LRP6: variants seen among roughly 807,000 people sequenced by gnomAD.
LRP6 encodes LDL receptor related protein 6.
Under a neutral mutation model 184.1 loss-of-function variants are expected in LRP6, and 43 were observed. The ratio of observed to expected loss-of-function variants is 0.23; its 90% CI spans 0.18 to 0.30. The LOEUF (loss-of-function observed/expected upper bound fraction) is 0.30. Among genes scored for constraint, LRP6 ranks in the 10% least tolerant of loss-of-function variants. The probability of loss-of-function intolerance (pLI) is 1.00; values close to 1 mark genes in which losing one functional copy is unlikely to be tolerated. For missense variants in LRP6, 1,571 were observed against 2,005.3 expected (o/e 0.78, Z 4.14); for synonymous variants, 719 against 684.9 (o/e 1.05, Z -0.78).
In LRP6 at chr12:12,183,231, C is replaced by A. The variant is rs150187151; in HGVS notation, c.976+749G>T. Among the ~76,000 whole-genome samples the A allele has an allele frequency of 5.9e-3, 891 of 152,268 alleles. 6 individuals are homozygous for A. Among genetic ancestry groups the A allele is most frequent in the African/African-American group, 0.02 (845 of 41,556 alleles). On this transcript the variant is annotated intron_variant, in intron 5 of 22. Coordinates refer to ENST00000261349, the MANE Select transcript of LRP6 (RefSeq NM_002336.3). ...GCTTTTCAGAGTTAGATAAAGAAGC[C>A]ACAGCTAAATACAACAATTTTCTTA...
chr12:12,241,291 G>A (rs750985317), intron 2 of LRP6, among the ~76,000 whole-genome samples: 1 of 151,982 alleles, frequency 6.6e-6, no homozygotes, highest in Non-Finnish European at 1.5e-5. Context: ...CTCAAACTTC[G>A]TATTTCCCCC....
chr12:12,263,348 G>A (rs1419470360), intron 1 of LRP6, among the ~76,000 whole-genome samples: 2 of 151,820 alleles, frequency 1.3e-5, no homozygotes, highest in Non-Finnish European at 2.9e-5. Flanking sequence ...GGCCGAGGTG[G>A]GCGGATCACG....
chr12:12,164,955 AGG>A, intron 8 of LRP6, 122 bp downstream of exon 8: 2 of 528,570 alleles, frequency 3.8e-6, no homozygotes, highest in East Asian at 3.8e-5. Context: ...AAAAAAAAAA[AGG>A]CGGGGGGGCA....
intron 15 of LRP6, among the ~76,000 whole-genome samples, chr12:12,145,239 C>T (rs746632454): frequency 1.1e-4 from 17 of 151,164 alleles, no homozygotes; most frequent in Middle Eastern, 3.4e-3. Context: ...CTATACCAGG[C>T]GTGTAACTAT....
At chr12:12,254,192 C>T (rs758051494) in intron 1 of LRP6, among the ~76,000 whole-genome samples, 9 of 149,044 alleles carry the variant, frequency 6.0e-5, no homozygotes, top group Non-Finnish European at 1.2e-4. Context: ...AAAACTACTA[C>T]GCCAGGTAAC....
In LRP6 at chr12:12,249,142, T is replaced by C. The variant is rs769019492; in HGVS notation, c.56-4487A>G. The C allele has an allele frequency of 4.2e-6, 3 of 708,620 alleles. No individual in the cohort carries two copies. In the South Asian group the frequency reaches 4.6e-5, roughly 11 times the overall value. The allele number at this position is 708,620 out of a possible 1,614,324, so 43.9% of individuals were successfully genotyped here. A position where few individuals can be genotyped will look rare whatever the true frequency, so the allele number is the denominator to read the frequency against. On this transcript the variant is annotated intron_variant, in intron 1 of 22. Coordinates refer to ENST00000261349, the MANE Select transcript of LRP6 (RefSeq NM_002336.3). ...ACACTTACAAGACGTACAGGGATGA[T>C]AATTGGGCCTGCAAGAACAATTTAT...
chr12:12,189,886 C>T (rs1297980551), intron 3 of LRP6, among the ~76,000 whole-genome samples: 2 of 152,108 alleles, frequency 1.3e-5, no homozygotes, highest in East Asian at 1.9e-4. Flanking sequence ...TCTTTCTCTA[C>T]GTTCTCATAA....
intron 4 of LRP6, among the ~76,000 whole-genome samples, chr12:12,185,537 C>A (rs1318780864): frequency 6.6e-6 from 1 of 152,140 alleles, no homozygotes. Context: ...GTAATAAAAT[C>A]TGAAATACAC....
At chr12:12,140,771 T>G (rs1264549612) in intron 15 of LRP6, among the ~76,000 whole-genome samples, 1 of 152,064 alleles carries the variant, frequency 6.6e-6, no homozygotes, top group African/African-American at 2.4e-5. Context: ...GCCAGGCTAA[T>G]TTTTGTATTT....
rs186091871 is a variant in LRP6, at chr12:12,228,288, C to T, written c.449+15974G>A. ...TGGAGGCATGATAATCGCTTGAACC[C>T]GGGAGGCGGAGGTTGCGGTGAGCCC... On this transcript the variant is annotated intron_variant, in intron 2 of 22. Coordinates refer to ENST00000261349, the MANE Select transcript of LRP6 (RefSeq NM_002336.3). Among the ~76,000 whole-genome samples the T allele has an allele frequency of 7.9e-5, 12 of 152,098 alleles. No homozygotes were observed. In the East Asian group the frequency reaches 2.1e-3, roughly 27 times the overall value.
chr12:12,122,901 G>A (rs891711153), intron 22 of LRP6, among the ~76,000 whole-genome samples: 1 of 152,126 alleles, frequency 6.6e-6, no homozygotes, highest in Non-Finnish European at 1.5e-5. Context: ...GACCCACTGA[G>A]TGAGTTCTCA....
chr12:12,151,873 G>A (rs1003514496), intron 12 of LRP6, among the ~76,000 whole-genome samples: 4 of 152,130 alleles, frequency 2.6e-5, no homozygotes, highest in Admixed American at 2.6e-4. Flanking sequence ...ATTACCAGTA[G>A]TGGCAGTAAT....
intron 9 of LRP6, among the ~76,000 whole-genome samples, chr12:12,163,277 ACCC>A (rs929675480): frequency 1.3e-4 from 19 of 151,770 alleles, no homozygotes; most frequent in Non-Finnish European, 2.2e-4. Flanking sequence ...GCACCCAGCC[ACCC>A]CCCATTTTCA....
At chr12:12,237,671 G>A (rs1424211165) in intron 2 of LRP6, among the ~76,000 whole-genome samples, 3 of 152,222 alleles carry the variant, frequency 2.0e-5, no homozygotes, top group Non-Finnish European at 2.9e-5. Context: ...TGCCAAAAAT[G>A]TATAACTTTA....
chr12:12,147,176 T>C (rs539533844), intron 15 of LRP6, among the ~76,000 whole-genome samples, 190 bp downstream of exon 15: 1 of 152,260 alleles, frequency 6.6e-6, no homozygotes, highest in South Asian at 2.1e-4. Flanking sequence ...TGGCAGGTAG[T>C]TAAGTAACAG....
chr12:12,231,397 G>A (rs983358725), intron 2 of LRP6, among the ~76,000 whole-genome samples: 2 of 152,008 alleles, frequency 1.3e-5, no homozygotes, highest in Non-Finnish European at 2.9e-5. Context: ...CACTGGCAGA[G>A]GGACACAGGA....
intron 3 of LRP6, among the ~76,000 whole-genome samples, chr12:12,201,653 T>A (rs1257254665): frequency 2.0e-5 from 3 of 152,170 alleles, no homozygotes; most frequent in Non-Finnish European, 4.4e-5. Flanking sequence ...TGTTTTTGGA[T>A]TTGCTATCTA....
At chr12:12,150,705 G>T in intron 13 of LRP6, 131 bp downstream of exon 13, 1 of 903,168 alleles carries the variant, frequency 1.1e-6, no homozygotes. Context: ...TAAGCTACTA[G>T]GTCCAGAATT....
chr12:12,185,373 T>C (rs888512361), intron 4 of LRP6, among the ~76,000 whole-genome samples: 14 of 152,222 alleles, frequency 9.2e-5, no homozygotes, highest in African/African-American at 2.9e-4. Context: ...CATTTTCTTT[T>C]GTACAGAAGA....
Sources: gnomAD v4.1 joint callset for allele counts (sites outside exome capture counted in the v4.1 genomes callset) on GRCh38, gnomAD v4.1.1 for gene constraint, MANE v1.5 for transcripts, NCBI Gene and HGNC (gene_info 2026-07-23, HGNC 2026-07-21) for gene names.